Variants in ZBTB7C observed in about 807,000 individuals in gnomAD.
ZBTB7C encodes the protein zinc finger and BTB domain containing 7C, also known as zinc finger and BTB domain-containing protein 7C.
In ZBTB7C, 8 loss-of-function variants were observed where a neutral mutation model predicts 25.7. That is an observed-to-expected ratio of 0.31 (90% confidence interval 0.18 to 0.56). The LOEUF is 0.56. Ranked by LOEUF, ZBTB7C falls within the 20% of genes least tolerant of loss-of-function variation. ZBTB7C has a pLI of 0.91. For synonymous variants in ZBTB7C, 394 were observed against 369.0 expected (o/e 1.07, Z -0.78); for missense variants, 824 against 855.2 (o/e 0.96, Z 0.46).
chr18:48,344,203 TGAACTCC>T (rs1415681707), intron 1 of ZBTB7C, among the ~76,000 whole-genome samples: 1 of 152,158 alleles, frequency 6.6e-6, no homozygotes, highest in Non-Finnish European at 1.5e-5. Context: ...AGGCTGGTCT[TGAACTCC>T]TGACCTCAAG....
At chr18:48,109,177 G>C (rs1157698359) in intron 3 of ZBTB7C, among the ~76,000 whole-genome samples, 2 of 152,162 alleles carry the variant, frequency 1.3e-5, no homozygotes, top group Non-Finnish European at 2.9e-5. Context: ...GGTGGCGGCT[G>C]TCACAGGCCT....
chr18:48,106,718 C>A (rs997156318), intron 3 of ZBTB7C, among the ~76,000 whole-genome samples: 1 of 152,144 alleles, frequency 6.6e-6, no homozygotes, highest in African/African-American at 2.4e-5. Context: ...AAAAAAATAA[C>A]CCCCAGGCAA....
intron 2 of ZBTB7C, among the ~76,000 whole-genome samples, chr18:48,220,470 T>C (rs923318945): frequency 4.6e-5 from 7 of 152,174 alleles, no homozygotes; most frequent in African/African-American, 1.7e-4. Flanking sequence ...AGCACCTAAG[T>C]GTCAGGCATG....
intron 2 of ZBTB7C, among the ~76,000 whole-genome samples, chr18:48,268,180 C>A (rs756125294): frequency 6.1e-4 from 93 of 152,302 alleles, no homozygotes; most frequent in Admixed American, 1.2e-3. Flanking sequence ...GTTTCAAAGT[C>A]CAACGGCACG....
At chr18:48,068,138 CTTT>C (rs1266919637) in intron 3 of ZBTB7C, among the ~76,000 whole-genome samples, 4 of 124,958 alleles carry the variant, frequency 3.2e-5, no homozygotes, top group Non-Finnish European at 5.0e-5. Context: ...CCTTGTAAGT[CTTT>C]TTTTTTTTTT....
At chr18:48,088,900 T>G (rs2144535703) in intron 3 of ZBTB7C, among the ~76,000 whole-genome samples, 1 of 151,970 alleles carries the variant, frequency 6.6e-6, no homozygotes, top group East Asian at 1.9e-4. Context: ...GGGGTCAAAT[T>G]AGGGAGCTTC....
chr18:48,156,152 AT>A (rs1255605840), intron 3 of ZBTB7C, among the ~76,000 whole-genome samples: 2 of 152,262 alleles, frequency 1.3e-5, no homozygotes, highest in African/African-American at 4.8e-5. Context: ...GTAAACATAC[AT>A]AAAAAATAAG....
chr18:48,143,742 A>T (rs1006458404), intron 3 of ZBTB7C, among the ~76,000 whole-genome samples: 3 of 152,194 alleles, frequency 2.0e-5, no homozygotes, highest in Non-Finnish European at 2.9e-5. Context: ...ATATCTAATC[A>T]TCTTGACCTG....
chr18:48,057,289 T>G (rs1387851236), intron 3 of ZBTB7C, among the ~76,000 whole-genome samples: 1 of 152,150 alleles, frequency 6.6e-6, no homozygotes, highest in Non-Finnish European at 1.5e-5. Flanking sequence ...AACTTACATA[T>G]AGGATTATCT....
At chr18:48,312,719 G>T (rs1356580926) in intron 2 of ZBTB7C, among the ~76,000 whole-genome samples, 1 of 152,110 alleles carries the variant, frequency 6.6e-6, no homozygotes, top group Non-Finnish European at 1.5e-5. Flanking sequence ...GAGTCAGTGC[G>T]GGTCATGTCA....
At chr18:48,344,702 C>G (rs1568388605) in intron 1 of ZBTB7C, among the ~76,000 whole-genome samples, 1 of 152,168 alleles carries the variant, frequency 6.6e-6, no homozygotes, top group Non-Finnish European at 1.5e-5. Flanking sequence ...TGAGATAATG[C>G]AGCAACACAG....
intron 3 of ZBTB7C, among the ~76,000 whole-genome samples, chr18:48,092,449 T>G (rs891845176): frequency 6.6e-6 from 1 of 152,170 alleles, no homozygotes. Context: ...AGAAAGCAAG[T>G]TGAAGTTTTC....
At chr18:48,176,500 T>C (rs1331360044) in intron 3 of ZBTB7C, among the ~76,000 whole-genome samples, 1 of 152,180 alleles carries the variant, frequency 6.6e-6, no homozygotes, top group Non-Finnish European at 1.5e-5. Flanking sequence ...GTTGTATAAA[T>C]GTTAAATGTA....
chr18:48,184,257 G>A (rs1479486617), intron 3 of ZBTB7C, among the ~76,000 whole-genome samples: 1 of 152,192 alleles, frequency 6.6e-6, no homozygotes, highest in African/African-American at 2.4e-5. Context: ...CCGTGGCGCA[G>A]CACAATGATG....
chr18:48,306,706 G>A (rs1471034168), intron 2 of ZBTB7C, among the ~76,000 whole-genome samples: 2 of 152,112 alleles, frequency 1.3e-5, no homozygotes, highest in African/African-American at 4.8e-5. Context: ...ATGTAGCTGA[G>A]CTCAGGAACT....
intron 3 of ZBTB7C, among the ~76,000 whole-genome samples, chr18:48,127,617 C>T (rs1213820060): frequency 1.3e-5 from 2 of 152,218 alleles, no homozygotes; most frequent in Non-Finnish European, 2.9e-5. Flanking sequence ...TTTCTCCTCC[C>T]AGGGCCCCAC....
intron 3 of ZBTB7C, among the ~76,000 whole-genome samples, chr18:48,104,417 T>C (rs964980089): frequency 1.3e-5 from 2 of 152,202 alleles, no homozygotes; most frequent in African/African-American, 4.8e-5. Context: ...ACCATGCTCC[T>C]TGCACAGCTT....
At chr18:48,379,824 A>C (rs1291454524) in intron 1 of ZBTB7C, among the ~76,000 whole-genome samples, 1 of 152,218 alleles carries the variant, frequency 6.6e-6, no homozygotes, top group Non-Finnish European at 1.5e-5. Flanking sequence ...AGATCCAAAC[A>C]GACTCCTCAT....
intron 2 of ZBTB7C, among the ~76,000 whole-genome samples, chr18:48,198,082 CGTT>C (rs1568296535): frequency 2.6e-5 from 4 of 152,156 alleles, no homozygotes; most frequent in Non-Finnish European, 2.9e-5. Context: ...TCTTGCATAA[CGTT>C]GTACTTTTTC....
Sources: allele counts gnomAD v4.1 joint callset (sites outside exome capture counted in the v4.1 genomes callset), GRCh38; gene constraint gnomAD v4.1.1; transcripts MANE v1.5; gene names NCBI Gene and HGNC (gene_info 2026-07-23, HGNC 2026-07-21).